Variants in WDFY4 observed in about 807,000 individuals in gnomAD.
WDFY4 encodes the protein WDFY family member 4.
WDFY4 carries 169 observed loss-of-function variants against 351.9 expected under a neutral mutation model. The observed-to-expected ratio is 0.48, with a 90% CI of 0.42 to 0.55. The LOEUF (loss-of-function observed/expected upper bound fraction) is 0.55. Ranked by LOEUF, WDFY4 falls within the 20% of genes least tolerant of loss-of-function variation. The pLI is 0.00. For synonymous variants in WDFY4, 1,622 were observed against 1,574.6 expected, an observed-to-expected ratio of 1.03 and a Z score of -0.71; for missense variants, 3,803 against 3,935.6, an observed-to-expected ratio of 0.97 and a Z score of 0.90.
intron 39 of WDFY4, among the ~76,000 whole-genome samples, chr10:48,866,944 A>T (rs185138934): frequency 6.6e-6 from 1 of 151,964 alleles, no homozygotes; most frequent in Non-Finnish European, 1.5e-5. Flanking sequence ...GCTGAGGCAG[A>T]TGGATCACCT....
chr10:48,890,410 G>A (rs879891837), intron 43 of WDFY4, among the ~76,000 whole-genome samples, 169 bp from the exon 44 acceptor site: 9 of 152,148 alleles, frequency 5.9e-5, no homozygotes, highest in Non-Finnish European at 1.0e-4. Context: ...GTGCCACATA[G>A]GCTGTGAAGA....
At chr10:48,694,961 G>A (rs2063293769) in intron 1 of WDFY4, among the ~76,000 whole-genome samples, 1 of 152,132 alleles carries the variant, frequency 6.6e-6, no homozygotes, top group Admixed American at 6.5e-5. Context: ...TTCCTTGCTG[G>A]CCCCCTGCTC....
At chr10:48,728,592 C>T (rs920081146) in intron 7 of WDFY4, among the ~76,000 whole-genome samples, 1 of 152,202 alleles carries the variant, frequency 6.6e-6, no homozygotes, top group Admixed American at 6.5e-5. Flanking sequence ...GACAAGGGGG[C>T]CAAAGTCCTT....
At chr10:48,849,192 A>T (rs2068876238) in intron 39 of WDFY4, among the ~76,000 whole-genome samples, 1 of 152,248 alleles carries the variant, frequency 6.6e-6, no homozygotes, top group South Asian at 2.1e-4. Flanking sequence ...AACCTTAAAA[A>T]AATAATAAAG....
At chr10:48,820,545 C>A in intron 33 of WDFY4, 108 bp downstream of exon 33, 4 of 1,203,370 alleles carry the variant, frequency 3.3e-6, no homozygotes, top group Non-Finnish European at 3.5e-6. Context: ...GGGGCCACAG[C>A]GAGTGAAGGG....
chr10:48,819,382 C>T (rs547379890), intron 32 of WDFY4, among the ~76,000 whole-genome samples: 141 of 152,296 alleles, frequency 9.3e-4, no homozygotes, highest in African/African-American at 3.3e-3. Flanking sequence ...CAATCAAGGC[C>T]GCACGGAGCT....
chr10:48,789,277 A>G (rs2066598992), intron 21 of WDFY4, among the ~76,000 whole-genome samples: 1 of 152,196 alleles, frequency 6.6e-6, no homozygotes, highest in Admixed American at 6.5e-5. Context: ...TTTACTTCCA[A>G]TTTTTGCATA....
intron 40 of WDFY4, 149 bp from the exon 41 acceptor site, chr10:48,873,342 T>C (rs754138606): frequency 5.9e-5 from 50 of 847,310 alleles, no homozygotes; most frequent in Non-Finnish European, 8.2e-5. Flanking sequence ...CTGCAGTGGG[T>C]ACCCTACACA....
chr10:48,959,226 C>T (rs1841745634), intron 52 of WDFY4, among the ~76,000 whole-genome samples: 1 of 152,128 alleles, frequency 6.6e-6, no homozygotes. Context: ...ACCTTGCTGT[C>T]CTCGCCTTAA....
At chr10:48,904,577 C>A (rs1473285381) in intron 47 of WDFY4, among the ~76,000 whole-genome samples, 2 of 152,160 alleles carry the variant, frequency 1.3e-5, no homozygotes, top group Non-Finnish European at 2.9e-5. Flanking sequence ...GAGGATTTTA[C>A]TTGGCCTGGC....
chr10:48,873,770 C>G, intron 41 of WDFY4, 73 bp downstream of exon 41: 1 of 1,473,100 alleles, frequency 6.8e-7, no homozygotes, highest in Non-Finnish European at 9.2e-7. Context: ...CTGAGCTTCC[C>G]CATCACATGT....
At chr10:48,833,172 T>TGTGAGAGA (rs372781295) in intron 39 of WDFY4, among the ~76,000 whole-genome samples, 96 of 135,892 alleles carry the variant, frequency 7.1e-4, no homozygotes, top group East Asian at 2.3e-3. Flanking sequence ...TGTGTGTGTG[T>TGTGAGAGA]GAGAGAGAGA....
intron 44 of WDFY4, among the ~76,000 whole-genome samples, chr10:48,892,107 G>A (rs1040822523): frequency 3.3e-5 from 5 of 152,158 alleles, no homozygotes; most frequent in African/African-American, 9.7e-5. Flanking sequence ...TGATCAATAT[G>A]GACAATGGGC....
chr10:48,927,626 TATTTACTTCTCTATCCTTCGC>T (rs1181990507), intron 47 of WDFY4, among the ~76,000 whole-genome samples: 1 of 152,232 alleles, frequency 6.6e-6, no homozygotes, highest in Non-Finnish European at 1.5e-5. Context: ...CCCCTAGTAT[TATTTACTTCTCTATCCTTCGC>T]ACCAGCGTGG....
intron 43 of WDFY4, among the ~76,000 whole-genome samples, chr10:48,883,086 G>T (rs942658734): frequency 2.6e-5 from 4 of 152,192 alleles, no homozygotes; most frequent in African/African-American, 9.6e-5. Flanking sequence ...GGCTGTTATT[G>T]GGCTTGGAGT....
In WDFY4 at chr10:48,845,129, C is replaced by G. The variant is rs180671067; in HGVS notation, c.6663+12420C>G. On this transcript the variant is annotated intron_variant, in intron 39 of 61. Coordinates refer to ENST00000325239, the MANE Select transcript of WDFY4 (RefSeq NM_001394531.1). ...AGGCCCATGTGGCTGGGCACAGACA[C>G]CCCTTGGGGGAGTGGGAGTGGCTCA... 4.6e-4 allele frequency among the ~76,000 whole-genome samples: 70 copies of G among 152,306 alleles called. 1 individual carries two copies. The East Asian group carries it at 0.012, about 26-fold the overall frequency.
At chr10:48,825,122 C>G (rs1201324227) in intron 35 of WDFY4, among the ~76,000 whole-genome samples, 1 of 152,192 alleles carries the variant, frequency 6.6e-6, no homozygotes. Context: ...CCACCCCACC[C>G]ACTGACAGGC....
intron 39 of WDFY4, among the ~76,000 whole-genome samples, chr10:48,864,190 TTTC>T (rs914082916): frequency 6.6e-6 from 1 of 152,244 alleles, no homozygotes; most frequent in Non-Finnish European, 1.5e-5. Flanking sequence ...ACTTTTAAGT[TTTC>T]TTCTAAGAGT....
In WDFY4 at chr10:48,832,682, G is replaced by A. The variant is rs1467611426; in HGVS notation, c.6636G>A (p.Gln2212=). ...CCATGAAGCTGATGCCCGGGCGGCA[G>A]GCCAAGGACCCTGAGTGCAAGACAG... is the stretch of plus-strand genomic sequence containing the variant. ...SSAMKLMPGR[Q]AKDPECKTED... Residue 2212 remains glutamine (Q), a synonymous_variant, in exon 39 of 62, where the codon CAG becomes CAA. Coordinates refer to ENST00000325239, the MANE Select transcript of WDFY4 (RefSeq NM_001394531.1). 6 of 1,549,546 alleles carry A rather than the reference G, an allele frequency of 3.9e-6. No homozygotes were observed. Among genetic ancestry groups the A allele is most frequent in the Non-Finnish European group, 5.2e-6 (6 of 1,145,848 alleles).
Sources: allele counts gnomAD v4.1 joint callset (sites outside exome capture counted in the v4.1 genomes callset), GRCh38; gene constraint gnomAD v4.1.1; transcripts MANE v1.5; gene names NCBI Gene and HGNC (gene_info 2026-07-23, HGNC 2026-07-21).